Variants in EYA2 observed in about 807,000 individuals in gnomAD.
EYA2 encodes the protein EYA transcriptional coactivator and phosphatase 2, also known as protein phosphatase EYA2.
Under a neutral mutation model 69.2 loss-of-function variants are expected in EYA2, and 31 were observed. That is an observed-to-expected ratio of 0.45 (90% CI 0.34 to 0.60). The LOEUF is 0.60. Among genes scored for constraint, EYA2 ranks in the 20% least tolerant of loss-of-function variants. EYA2 has a pLI of 0.02. For synonymous variants in EYA2, 257 were observed against 279.4 expected (o/e 0.92, Z 0.80); for missense variants, 622 against 701.2 (o/e 0.89, Z 1.28).
At chr20:46,954,132 C>T (rs1474645621) in intron 1 of EYA2, among the ~76,000 whole-genome samples, 1 of 152,210 alleles carries the variant, frequency 6.6e-6, no homozygotes, top group African/African-American at 2.4e-5. Flanking sequence ...ACATCACTTG[C>T]TCATCCACTT....
intron 1 of EYA2, among the ~76,000 whole-genome samples, chr20:46,913,932 G>A (rs1984770940): frequency 6.6e-6 from 1 of 152,232 alleles, no homozygotes; most frequent in Non-Finnish European, 1.5e-5. Flanking sequence ...GTGACAGAGA[G>A]TTGAGGTTAA....
chr20:46,896,988 G>GT (rs1300412366), intron 1 of EYA2, among the ~76,000 whole-genome samples: 2 of 150,738 alleles, frequency 1.3e-5, no homozygotes, highest in Non-Finnish European at 3.0e-5. Flanking sequence ...AAAATAAAAA[G>GT]ATGTGTATCT....
intron 1 of EYA2, among the ~76,000 whole-genome samples, chr20:46,899,334 G>A (rs928950617): frequency 2.0e-5 from 3 of 152,144 alleles, no homozygotes; most frequent in East Asian, 1.9e-4. Context: ...TGCCACTGTC[G>A]TTTGAAATGG....
Position 47,179,835 on chromosome 20 carries a change from G to A in EYA2, c.1236G>A (p.Gln412=). ...CTCCCAAAAGGGAGACCTGGCTACA[G>A]CTCCGAGCTGAGCTGGAAGCTCTCA... ...IGTPKRETWL[Q]LRAELEALTD... Residue 412 remains glutamine, a synonymous_variant, in exon 13 of 16, where the codon CAG becomes CAA. Coordinates refer to ENST00000327619, the MANE Select transcript of EYA2 (RefSeq NM_005244.5). 16 of 1,614,106 alleles carry A rather than the reference G, an allele frequency of 9.9e-6. No individual in the cohort carries two copies. The highest frequency in any genetic ancestry group is 1.4e-5 in the Non-Finnish European group (16 of 1,180,008).
chr20:46,899,154 A>T (rs1983967306), intron 1 of EYA2, among the ~76,000 whole-genome samples: 1 of 152,170 alleles, frequency 6.6e-6, no homozygotes, highest in South Asian at 2.1e-4. Context: ...AGACTGAGTG[A>T]AAATGAAATC....
At chr20:47,098,394 C>G (rs1007727462) in intron 9 of EYA2, among the ~76,000 whole-genome samples, 5 of 152,232 alleles carry the variant, frequency 3.3e-5, no homozygotes, top group African/African-American at 1.2e-4. Context: ...TTCCTAACCA[C>G]TCCTGTAAAG....
intron 1 of EYA2, among the ~76,000 whole-genome samples, chr20:46,967,265 G>A (rs890987642): frequency 1.3e-5 from 2 of 152,240 alleles, no homozygotes; most frequent in African/African-American, 4.8e-5. Context: ...GCCTCCCGAA[G>A]TGTTGGGATT....
chr20:46,909,019 G>A (rs1984513134), intron 1 of EYA2, among the ~76,000 whole-genome samples: 1 of 151,450 alleles, frequency 6.6e-6, no homozygotes, highest in African/African-American at 2.4e-5. Flanking sequence ...GGAGCAATCA[G>A]CTTGCTTCAT....
chr20:47,171,548 C>A (rs1310271397), intron 11 of EYA2, among the ~76,000 whole-genome samples: 2 of 152,086 alleles, frequency 1.3e-5, no homozygotes, highest in African/African-American at 4.8e-5. Flanking sequence ...CTTTTATCCT[C>A]ATCCTCATTT....
intron 5 of EYA2, among the ~76,000 whole-genome samples, chr20:47,069,013 G>A (rs138323408): frequency 6.6e-5 from 10 of 152,204 alleles, no homozygotes; most frequent in Non-Finnish European, 1.2e-4. Flanking sequence ...CCAGGCTTCC[G>A]GGTCCTGAAG....
intron 10 of EYA2, among the ~76,000 whole-genome samples, chr20:47,151,318 G>C (rs2033818181): frequency 6.6e-6 from 1 of 151,198 alleles, no homozygotes; most frequent in South Asian, 2.1e-4. Flanking sequence ...TTGCAGTGAG[G>C]CAAGATCACA....
At chr20:47,017,574 T>A (rs917740283) in intron 5 of EYA2, among the ~76,000 whole-genome samples, 2 of 152,080 alleles carry the variant, frequency 1.3e-5, no homozygotes, top group Admixed American at 1.3e-4. Context: ...GGAGAATAAA[T>A]AATCTTAGGT....
intron 4 of EYA2, among the ~76,000 whole-genome samples, chr20:47,008,262 T>G (rs951903328): frequency 3.3e-5 from 5 of 152,334 alleles, no homozygotes; most frequent in Non-Finnish European, 7.3e-5. Flanking sequence ...CCTTGAGCGA[T>G]AAAGAAACAG....
At chr20:47,018,324 G>A (rs4635582) in intron 5 of EYA2, among the ~76,000 whole-genome samples, 141,249 of 151,666 alleles carry the variant, frequency 0.93, 65,718 homozygotes, top group Non-Finnish European at 0.97. Flanking sequence ...CATTCATTCC[G>A]TATGTTGAGC....
intron 8 of EYA2, among the ~76,000 whole-genome samples, chr20:47,095,442 T>G (rs961154107): frequency 5.3e-5 from 8 of 151,914 alleles, no homozygotes; most frequent in African/African-American, 1.7e-4. Context: ...AAATAAAAAT[T>G]TTCAGATCTG....
intron 5 of EYA2, among the ~76,000 whole-genome samples, chr20:47,047,713 G>A (rs990451833): frequency 6.6e-6 from 1 of 150,626 alleles, no homozygotes; most frequent in Non-Finnish European, 1.5e-5. Context: ...TAGGGACAAG[G>A]ATATTGTCTT....
At chr20:46,918,433 C>G (rs1351932306) in intron 1 of EYA2, among the ~76,000 whole-genome samples, 2 of 151,942 alleles carry the variant, frequency 1.3e-5, no homozygotes, top group Admixed American at 6.5e-5. Flanking sequence ...CTCAGCCTCC[C>G]GAGTAACTGG....
At chr20:47,046,504 C>A (rs1441315524) in intron 5 of EYA2, among the ~76,000 whole-genome samples, 1 of 152,192 alleles carries the variant, frequency 6.6e-6, no homozygotes, top group East Asian at 1.9e-4. Flanking sequence ...CAGCTGTGGG[C>A]TGCCCACCAG....
At chr20:47,038,582 G>T (rs960419189) in intron 5 of EYA2, among the ~76,000 whole-genome samples, 16 of 152,206 alleles carry the variant, frequency 1.1e-4, no homozygotes, top group African/African-American at 3.6e-4. Flanking sequence ...ACCCTGAGGG[G>T]TCTGTGTGTG....
Sources: gnomAD v4.1 joint callset for allele counts (sites outside exome capture counted in the v4.1 genomes callset) on GRCh38, gnomAD v4.1.1 for gene constraint, MANE v1.5 for transcripts, NCBI Gene and HGNC (gene_info 2026-07-23, HGNC 2026-07-21) for gene names.